Variants in CACNA1I observed in about 807,000 individuals in gnomAD.
CACNA1I encodes voltage-dependent T-type calcium channel subunit alpha-1I.
A neutral mutation model predicts 201.6 loss-of-function variants in CACNA1I; 74 were observed. That is an observed-to-expected ratio of 0.37 (90% CI 0.30 to 0.45). The LOEUF (loss-of-function observed/expected upper bound fraction) is 0.45, where lower values mean the gene tolerates loss of function less well. CACNA1I is among the 20% of genes least tolerant of loss of function. The probability of loss-of-function intolerance (pLI) is 1.00; values close to 1 mark genes in which losing one functional copy is unlikely to be tolerated. For synonymous variants in CACNA1I, 1,431 were observed against 1,345.2 expected, an observed-to-expected ratio of 1.06 and a Z score of -1.40; for missense variants, 2,346 against 3,138.1, an observed-to-expected ratio of 0.75 and a Z score of 6.03.
intron 5 of CACNA1I, among the ~76,000 whole-genome samples, chr22:39,635,367 G>A (rs905410517): frequency 3.9e-5 from 6 of 152,126 alleles, no homozygotes; most frequent in Non-Finnish European, 7.4e-5. Context: ...CCCTGCCCTT[G>A]AGAAGCGCAG....
intron 26 of CACNA1I, 33 bp downstream of exon 26, chr22:39,670,987 A>T: frequency 6.2e-7 from 1 of 1,610,496 alleles, no homozygotes. Context: ...GCCCAAGGTT[A>T]CAAGGTGAGG....
Position 39,661,141 on chromosome 22 carries a change from A to G in CACNA1I, c.2732A>G (p.Asn911Ser), listed in dbSNP as rs748710003. Residue 911 changes from asparagine to serine, a missense_variant, in exon 16 of 37, where the codon AAT becomes AGT. By Grantham distance (46) the Asn-to-Ser change is conservative. Transcript: ENST00000402142. ...CTCTGCCCAATCCCCATGACCCCCA[A>G]TGGGCACCTGGACCCCAGTCTCCCA... ...PKLCPIPMTP[N>S]GHLDPSLPLG... 8 of 1,612,968 alleles carry G rather than the reference A, an allele frequency of 5.0e-6. No individual in the cohort carries two copies. Among genetic ancestry groups the G allele is most frequent in the Admixed American group, 1.7e-5 (1 of 59,964 alleles).
At chr22:39,662,749 C>G in intron 17 of CACNA1I, 27 bp from the exon 18 acceptor site, 1 of 1,505,616 alleles carries the variant, frequency 6.6e-7, no homozygotes, top group Non-Finnish European at 9.0e-7. Context: ...ATCGCTGACC[C>G]CCGGCGCTCC....
At position 39,670,812 on chromosome 22, in the gene CACNA1I, G is replaced by A. The variant is rs1010942110; in HGVS notation, c.4397G>A (p.Arg1466Gln). ...RLEKKRRKAQ[R>Q]LPYYATYCHT... The stretch of plus-strand genomic sequence containing the variant: ...CCTGCACCACCTGCAGAGGCCCAGC[G>A]GCTGCCCTACTATGCCACCTATTGT... Residue 1466 changes from arginine to glutamine, a missense_variant, in exon 26 of 37, where the codon CGG becomes CAG. Physicochemically the swap from Arg to Gln is conservative, Grantham distance 43. Transcript: ENST00000402142. 17 of 1,613,710 alleles carry A rather than the reference G, an allele frequency of 1.1e-5. No individual in the cohort carries two copies. Among genetic ancestry groups the A allele is most frequent in the South Asian group, 3.3e-5 (3 of 91,076 alleles).
chr22:39,656,959 C>A (rs1934843830), intron 10 of CACNA1I, among the ~76,000 whole-genome samples: 2 of 152,164 alleles, frequency 1.3e-5, no homozygotes. Context: ...CCCAGGGGAG[C>A]CGTGGCAGGG....
intron 1 of CACNA1I, among the ~76,000 whole-genome samples, chr22:39,571,780 C>A (rs5757731): frequency 1.2e-4 from 18 of 152,240 alleles, no homozygotes; most frequent in Middle Eastern, 3.4e-3. Context: ...TGCTTCATAT[C>A]TAACTGTCAC....
At chr22:39,583,009 TGTCTTTCCATCC>T (rs1932611502) in intron 1 of CACNA1I, among the ~76,000 whole-genome samples, 1 of 127,274 alleles carries the variant, frequency 7.9e-6, no homozygotes. Flanking sequence ...TCCATCCATC[TGTCTTTCCATCC>T]AAGCACCCAA....
At position 39,631,374 on chromosome 22, in the gene CACNA1I, C is replaced by A. The variant is rs1934057464; in HGVS notation, c.581-3191C>A. On this transcript the variant is annotated intron_variant, in intron 4 of 36. Transcript: ENST00000402142. ...GCCCTCAATCACACTCATGGGGCTG[C>A]CTGTAGCCTGTCCCCATCATGGCCC... Among the ~76,000 whole-genome samples, 3 of 152,316 alleles carry A rather than the reference C, an allele frequency of 2.0e-5. No homozygotes were observed. In the South Asian group the frequency reaches 6.2e-4, roughly 32 times the overall value.
In CACNA1I at chr22:39,679,344, C is replaced by G; in HGVS notation, c.5293C>G (p.Pro1765Ala). The G allele has an allele frequency of 6.5e-7, 1 of 1,542,706 alleles. No homozygotes were observed. ...AHGLGPGPRL[P>A]TGSPGAPGRG... Reference sequence around the variant, plus strand: ...TGGCCTGGGCCCTGGCCCGAGGCTGCCTACCGGCTCCCCGGGCGCCCCTGG... The same window carrying G: ...TGGCCTGGGCCCTGGCCCGAGGCTGGCTACCGGCTCCCCGGGCGCCCCTGG... The change falls in exon 32 of 37, where the codon CCT becomes GCT. Residue 1765 changes from proline (P) to alanine (A), a missense_variant. Physicochemically the swap from Pro to Ala is conservative, Grantham distance 27. Transcript: ENST00000402142.
At chr22:39,643,241 G>C (rs1034174372) in intron 7 of CACNA1I, among the ~76,000 whole-genome samples, 8 of 152,238 alleles carry the variant, frequency 5.3e-5, no homozygotes, top group African/African-American at 1.9e-4. Context: ...CTTCAGAAGG[G>C]CTCCAGCTCA....
Position 39,662,020 on chromosome 22 carries a change from G to C in CACNA1I, c.2957G>C (p.Ser986Thr), listed in dbSNP as rs910946667. Residue 986 changes from serine to threonine, a missense_variant, in exon 17 of 37, where the codon AGC (serine) becomes ACC (threonine). Coordinates refer to ENST00000402142, the MANE Select transcript of CACNA1I (RefSeq NM_021096.4). Reference protein sequence around the residue: ...GPWGRSAAWASRRSSWNSLKH... With the variant: ...GPWGRSAAWATRRSSWNSLKH... Reference sequence around the variant, plus strand: ...TGGGGCCGCAGCGCGGCCTGGGCCAGCCGTCGCTCCAGCTGGAACAGCCTC... The same window carrying C: ...TGGGGCCGCAGCGCGGCCTGGGCCACCCGTCGCTCCAGCTGGAACAGCCTC... 17 of 1,565,600 alleles carry C rather than the reference G, an allele frequency of 1.1e-5. No individual in the cohort carries two copies. The highest frequency in any genetic ancestry group is 1.5e-5 in the Non-Finnish European group (17 of 1,160,338).
rs771874496 is a variant in CACNA1I at position 39,659,467 on chromosome 22, A to T, written c.2365A>T (p.Ser789Cys). Residue 789 changes from serine (S) to cysteine (C), a missense_variant, in exon 13 of 37, where the codon AGC becomes TGC. Around this residue, in one of 13 missense-constraint regions of CACNA1I, gnomAD observed 155 missense variants for 300.8 expected, o/e 0.52. Coordinates refer to ENST00000402142, the MANE Select transcript of CACNA1I (RefSeq NM_021096.4). This position sits in a 1 kb window ranked among gnomAD's most constrained non-coding sequence, Gnocchi z 4.3. ...LGMHIFGCKF[S>C]LRTDTGDTVP... ...GATGCATATTTTTGGCTGCAAGTTC[A>T]GCCTCCGCACGGACACTGGAGACAC... The T allele has an allele frequency of 1.3e-6, 2 of 1,572,224 alleles. No individual in the cohort carries two copies. The highest frequency in any genetic ancestry group is 3.7e-5 in the Admixed American group (2 of 53,412).
At chr22:39,680,846 C>G (rs1935680967) in intron 33 of CACNA1I, 84 bp from the exon 34 acceptor site, 3 of 1,471,046 alleles carry the variant, frequency 2.0e-6, no homozygotes, top group Non-Finnish European at 2.7e-6. Context: ...TCTTCAGAGC[C>G]TCAGGCCTGT....
rs1932460936 is a variant in CACNA1I at position 39,579,030 on chromosome 22, G to A, written c.236+8042G>A. On this transcript the variant is annotated intron_variant, in intron 1 of 36. Transcript: ENST00000402142. ...CTCACTAGCCTCCTCAGCCCTACGT[G>A]GGCCCTGCCCTTCTGTCCTCCCAGT... Among the ~76,000 whole-genome samples, 2 of 152,176 alleles carry A rather than the reference G, an allele frequency of 1.3e-5. 1 individual carries two copies. The highest frequency in any genetic ancestry group is 4.2e-4 in the South Asian group (2 of 4,818).
At chr22:39,653,838 G>A (rs138852593) in intron 10 of CACNA1I, among the ~76,000 whole-genome samples, 1 of 152,216 alleles carries the variant, frequency 6.6e-6, no homozygotes, top group East Asian at 1.9e-4. Context: ...AGCAGATGCT[G>A]TTTCTTGCAG....
chr22:39,588,385 CTT>C (rs3044379), intron 1 of CACNA1I, among the ~76,000 whole-genome samples: 7 of 80,716 alleles, frequency 8.7e-5, no homozygotes, highest in Admixed American at 2.7e-4. Flanking sequence ...TTCTTTCTTT[CTT>C]TTTTTTTTTT....
At chr22:39,598,469 C>T in intron 2 of CACNA1I, among the ~76,000 whole-genome samples, 1 of 151,924 alleles carries the variant, frequency 6.6e-6, no homozygotes, top group Non-Finnish European at 1.5e-5. Context: ...CTTGGCTGAC[C>T]CTTCCTCACT....
intron 5 of CACNA1I, among the ~76,000 whole-genome samples, chr22:39,635,909 C>CA (rs1934205464): frequency 6.6e-6 from 1 of 152,180 alleles, no homozygotes; most frequent in African/African-American, 2.4e-5. Flanking sequence ...CTCGCCATCA[C>CA]ACAGCCCTGC....
At chr22:39,641,254 G>A (rs1280211598) in intron 6 of CACNA1I, 72 bp downstream of exon 6, 4 of 1,351,494 alleles carry the variant, frequency 3.0e-6, no homozygotes, top group East Asian at 2.3e-5. Context: ...AGGGCTCTGT[G>A]CTAGGCATTT....
Sources: allele counts gnomAD v4.1 joint callset (sites outside exome capture counted in the v4.1 genomes callset), GRCh38; gene constraint gnomAD v4.1.1; regional missense constraint gnomAD v4.1.1; non-coding constraint Gnocchi (gnomAD v3.1); transcripts MANE v1.5; gene names NCBI Gene and HGNC (gene_info 2026-07-23, HGNC 2026-07-21).